The following PCDHGB4 variants were observed in gnomAD, a reference collection of about 807,000 sequenced individuals.
The protein encoded by PCDHGB4 is protocadherin gamma subfamily B, 4.
In PCDHGB4, 38 loss-of-function variants were observed where a neutral mutation model predicts 60.5. The ratio of observed to expected loss-of-function variants is 0.63; its 90% CI spans 0.48 to 0.82. The LOEUF (loss-of-function observed/expected upper bound fraction) is 0.82, where lower values mean the gene tolerates loss of function less well. Among genes scored for constraint, PCDHGB4 ranks in the 40% least tolerant of loss-of-function variants. PCDHGB4 has a pLI of 0.00. For missense variants in PCDHGB4, 1,109 were observed against 1,209.6 expected (o/e 0.92, Z 1.23); for synonymous variants, 456 against 509.7 (o/e 0.89, Z 1.42).
intron 1 of PCDHGB4, among the ~76,000 whole-genome samples, chr5:141,474,248 A>G (rs2099346089): frequency 6.6e-6 from 1 of 152,220 alleles, no homozygotes; most frequent in African/African-American, 2.4e-5. Context: ...TAGGGGAAAA[A>G]AAGACTGATA....
At chr5:141,503,023 A>T (rs1163676028) in intron 2 of PCDHGB4, among the ~76,000 whole-genome samples, 1 of 141,884 alleles carries the variant, frequency 7.0e-6, no homozygotes, top group African/African-American at 2.6e-5. Context: ...TTTTTTTTTT[A>T]ATATCTATTT....
In PCDHGB4 at chr5:141,503,604, A is replaced by G. The variant is rs189211439; in HGVS notation, c.2457-1789A>G. 5.2e-3 allele frequency among the ~76,000 whole-genome samples: 793 copies of G among 151,946 alleles called. 3 individuals carry two copies. The highest frequency in any genetic ancestry group is 8.3e-3 in the Non-Finnish European group (566 of 67,924). On this transcript the variant is annotated intron_variant, in intron 2 of 3. Coordinates refer to ENST00000519479, the MANE Select transcript of PCDHGB4 (RefSeq NM_003736.4). ...ACAGAGCGAGACTCCAGCTCAAAAA[A>G]AAAAAAAAAAGAAAAAAGAAAAGAA...
intron 1 of PCDHGB4, among the ~76,000 whole-genome samples, chr5:141,464,370 T>C (rs1239284694): frequency 6.6e-6 from 1 of 151,828 alleles, no homozygotes. Context: ...CCAATATTTT[T>C]GCAATATAAA....
At chr5:141,501,883 G>A (rs1204174131) in intron 2 of PCDHGB4, among the ~76,000 whole-genome samples, 1 of 152,022 alleles carries the variant, frequency 6.6e-6, no homozygotes, top group African/African-American at 2.4e-5. Flanking sequence ...TTACACTCCT[G>A]ATCATCATGG....
intron 1 of PCDHGB4, chr5:141,402,866 T>A (rs1339290452): frequency 4.2e-6 from 6 of 1,442,196 alleles, no homozygotes; most frequent in Non-Finnish European, 5.5e-6. Context: ...AAGGAAAAGA[T>A]CACCATACTT....
rs762662380 is a variant in PCDHGB4, at chr5:141,419,561, G to A, written c.2397+29280G>A. 9 of 1,611,728 alleles carry A rather than the reference G, an allele frequency of 5.6e-6. No individual in the cohort carries two copies. The Admixed American group carries it at 1.2e-4, about 21-fold the overall frequency. The stretch of plus-strand genomic sequence containing the variant: ...ACCGCGGGTGCTGTACCCTGCGCTG[G>A]GTCCCGACGGCTCCGCGCTCTTCGA... On this transcript the variant is annotated intron_variant, in intron 1 of 3. Coordinates refer to ENST00000519479, the MANE Select transcript of PCDHGB4 (RefSeq NM_003736.4).
Position 141,510,980 on chromosome 5 carries a change from G to C in PCDHGB4, c.2579G>C (p.Gly860Ala), listed in dbSNP as rs1466168256. 12 of 1,614,170 alleles carry C rather than the reference G, an allele frequency of 7.4e-6. No individual in the cohort carries two copies. The highest frequency in any genetic ancestry group is 9.3e-6 in the Non-Finnish European group (11 of 1,180,014). ...AADGSSTLGG[G>A]AGTMGLSARY... ...GATGGGAGCTCCACCCTGGGAGGGG[G>C]TGCCGGCACCATGGGATTGAGCGCC... is the stretch of plus-strand genomic sequence containing the variant. Residue 860 changes from glycine (G) to alanine (A), a missense_variant, in exon 4 of 4, where the codon GGT becomes GCT. By Grantham distance (60) the Gly-to-Ala change is moderately conservative (BLOSUM62 0). This residue lies in a region of PCDHGB4 where 1,068 missense variants were observed against 1,089.9 expected (regional missense o/e 0.98). Transcript: ENST00000519479.
At chr5:141,500,145 T>C (rs2099796736) in intron 2 of PCDHGB4, among the ~76,000 whole-genome samples, 2 of 151,992 alleles carry the variant, frequency 1.3e-5, no homozygotes, top group East Asian at 3.9e-4. Context: ...TAAACTTTTC[T>C]TTGTGTAATC....
intron 1 of PCDHGB4, chr5:141,409,520 T>A (rs1177702875): frequency 6.2e-7 from 1 of 1,613,848 alleles, no homozygotes; most frequent in East Asian, 2.2e-5. Flanking sequence ...AAGCATCACC[T>A]TGTATGTCGC....
intron 1 of PCDHGB4, chr5:141,413,265 T>A (rs1301684620): frequency 6.2e-7 from 1 of 1,613,840 alleles, no homozygotes; most frequent in African/African-American, 1.3e-5. Context: ...CATGGGAGGC[T>A]GGAGCCCGGC....
At chr5:141,393,189 A>G (rs1561640968) in intron 1 of PCDHGB4, 1 of 1,613,404 alleles carries the variant, frequency 6.2e-7, no homozygotes, top group Admixed American at 1.7e-5. Context: ...AATAATTGAT[A>G]TTAACGATAA....
intron 1 of PCDHGB4, among the ~76,000 whole-genome samples, chr5:141,468,747 T>A (rs2099176715): frequency 6.6e-6 from 1 of 151,990 alleles, no homozygotes; most frequent in South Asian, 2.1e-4. Context: ...GTGCCTGTAG[T>A]CCCAGCTACT....
Position 141,491,611 on chromosome 5 carries a change from A to G in PCDHGB4, c.2398-3196A>G. The G allele has an allele frequency of 6.2e-7, 1 of 1,613,866 alleles. No individual in the cohort carries two copies. The highest frequency in any genetic ancestry group is 8.5e-7 in the Non-Finnish European group (1 of 1,180,018). Reference sequence around the variant, plus strand: ...GGACGGCAGTGACTTCACTTTTCTAAGACCCCTCAGCGTTCAGCAGCCCAC... The same window carrying G: ...GGACGGCAGTGACTTCACTTTTCTAGGACCCCTCAGCGTTCAGCAGCCCAC... On this transcript the variant is annotated intron_variant, in intron 1 of 3. Transcript: ENST00000519479. This position sits in a 1 kb window ranked among gnomAD's most constrained non-coding sequence, Gnocchi z 6.9.
At chr5:141,419,378 G>A in intron 1 of PCDHGB4, 3 of 1,613,710 alleles carry the variant, frequency 1.9e-6, no homozygotes, top group Non-Finnish European at 2.5e-6. Context: ...CTACGTGTCC[G>A]TGAGCGCGCA....
intron 1 of PCDHGB4, among the ~76,000 whole-genome samples, chr5:141,448,751 T>C (rs888567097): frequency 1.3e-5 from 2 of 151,804 alleles, no homozygotes; most frequent in South Asian, 4.2e-4. Context: ...CCATCCTGGC[T>C]AACACGGTGA....
intron 1 of PCDHGB4, chr5:141,420,292 T>C (rs761934978): frequency 2.7e-6 from 4 of 1,485,132 alleles, no homozygotes; most frequent in Middle Eastern, 1.8e-4. Context: ...TTTAAAAATG[T>C]ATTTAATCCT....
intron 1 of PCDHGB4, chr5:141,415,232 C>G (rs1329834276): frequency 3.1e-6 from 5 of 1,614,076 alleles, no homozygotes; most frequent in Non-Finnish European, 4.2e-6. Flanking sequence ...GAGTCTCCAG[C>G]TAACTCTGAA....
At chr5:141,488,478 A>T (rs1251914951) in intron 1 of PCDHGB4, among the ~76,000 whole-genome samples, 5 of 152,072 alleles carry the variant, frequency 3.3e-5, no homozygotes, top group African/African-American at 4.8e-5. Flanking sequence ...ATGTTCCCCT[A>T]CCCAAAAACT....
Position 141,487,687 on chromosome 5 carries a change from A to G in PCDHGB4, c.2398-7120A>G, listed in dbSNP as rs750431854. ...CAGGCATATGGCTAGGCCATGTCCTAGAGAGTACTGGCCTCTCAGTAAGTG... is the reference window on the plus strand; with the variant it reads ...CAGGCATATGGCTAGGCCATGTCCTGGAGAGTACTGGCCTCTCAGTAAGTG... On this transcript the variant is annotated intron_variant, in intron 1 of 3. Transcript: ENST00000519479. This position sits in a 1 kb window ranked among gnomAD's most constrained non-coding sequence, Gnocchi z 5.0. The G allele has an allele frequency of 1.9e-6, 3 of 1,606,256 alleles. No individual in the cohort carries two copies. The highest frequency in any genetic ancestry group is 3.4e-5 in the Admixed American group (2 of 58,832).
Sources: allele counts gnomAD v4.1 joint callset (sites outside exome capture counted in the v4.1 genomes callset), GRCh38; gene constraint gnomAD v4.1.1; regional missense constraint gnomAD v4.1.1; non-coding constraint Gnocchi (gnomAD v3.1); transcripts MANE v1.5; gene names NCBI Gene and HGNC (gene_info 2026-07-23, HGNC 2026-07-21).